The following TMPRSS9 variants were observed in gnomAD, a reference collection of about 807,000 sequenced individuals.
The protein encoded by TMPRSS9 is transmembrane serine protease 9, also known as transmembrane protease serine 9.
Under a neutral mutation model 111.4 loss-of-function variants are expected in TMPRSS9, and 113 were observed. That is an observed-to-expected ratio of 1.01 (90% CI 0.87 to 1.19). TMPRSS9 has a LOEUF of 1.19. TMPRSS9 is among the 50% of genes most tolerant of loss of function. The pLI, the probability that TMPRSS9 is intolerant of heterozygous loss-of-function variation, is 0.00. For missense variants in TMPRSS9, 1,803 were observed against 1,513.1 expected (o/e 1.19, Z -3.18); for synonymous variants, 805 against 659.1 (o/e 1.22, Z -3.39).
chr19:2,387,204 G>A (rs911641654), upstream of TMPRSS9, among the ~76,000 whole-genome samples: 2 of 151,788 alleles, frequency 1.3e-5, no homozygotes, highest in Non-Finnish European at 2.9e-5. Context: ...CAAAAAAATA[G>A]AAAAGTGAGG....
intron 1 of TMPRSS9, among the ~76,000 whole-genome samples, chr19:2,383,191 T>G (rs1254987264): frequency 6.7e-6 from 1 of 150,004 alleles, no homozygotes; most frequent in Admixed American, 6.7e-5. Flanking sequence ...CCGTCTCTAC[T>G]AAAAATACAA....
In TMPRSS9 at chr19:2,416,576, C is replaced by T. The variant is rs140247927; in HGVS notation, c.1784C>T (p.Ala595Val). ...CAGGTTCGGGCCCACCTGGGCACTG[C>T]GTCCCTCCTGGGCCTGGGCGGGAGC... Residue 595 changes from alanine (A) to valine (V), a missense_variant, in exon 12 of 18, where the codon GCG (alanine) becomes GTG (valine). Ala to Val is a moderately conservative substitution (Grantham distance 64, BLOSUM62 0). Coordinates refer to ENST00000648592, the Ensembl canonical transcript of TMPRSS9. The T allele has an allele frequency of 3.1e-5, 50 of 1,611,304 alleles. 2 individuals are homozygous for T. The highest frequency in any genetic ancestry group is 2.7e-4 in the South Asian group (25 of 91,060).
chr19:2,366,649 A>T (rs1970249669), intron 1 of TMPRSS9, among the ~76,000 whole-genome samples: 1 of 151,490 alleles, frequency 6.6e-6, no homozygotes, highest in Non-Finnish European at 1.5e-5. Flanking sequence ...CAAGGTCAGG[A>T]GATCAAGACC....
chr19:2,372,292 T>G (rs1203072654), intron 1 of TMPRSS9, among the ~76,000 whole-genome samples: 1 of 142,466 alleles, frequency 7.0e-6, no homozygotes, highest in Non-Finnish European at 1.5e-5. Flanking sequence ...AGCTACACAC[T>G]TTTCTTTTTG....
At chr19:2,380,771 G>C (rs1970379631) in intron 1 of TMPRSS9, among the ~76,000 whole-genome samples, 1 of 152,116 alleles carries the variant, frequency 6.6e-6, no homozygotes, top group Non-Finnish European at 1.5e-5. Flanking sequence ...GTTGTTTGAA[G>C]CTGCTAAGTT....
exon 11 of TMPRSS9, chr19:2,415,703 C>T (rs1333088739): frequency 6.2e-7 from 1 of 1,606,758 alleles, no homozygotes; most frequent in African/African-American, 1.3e-5. Context: ...GAGAAGCCCA[C>T]CCGGGTCGTG....
At chr19:2,417,818 G>A (rs1014174376) in intron 12 of TMPRSS9, among the ~76,000 whole-genome samples, 184 bp from the exon 14 acceptor site, 6 of 152,156 alleles carry the variant, frequency 3.9e-5, no homozygotes, top group Non-Finnish European at 8.8e-5. Flanking sequence ...CTTGCGCTCT[G>A]AGCGGGCCAT....
At chr19:2,424,218 C>G in exon 15 of TMPRSS9, 1 of 1,437,084 alleles carries the variant, frequency 7.0e-7, no homozygotes, top group Non-Finnish European at 9.2e-7. Flanking sequence ...GTGCTGGTGG[C>G]AGAGAGGTGG....
rs201333913 is a variant in TMPRSS9, at chr19:2,416,625, G to A, written c.1833G>A (p.Arg611=). 25 of 1,612,860 alleles carry A rather than the reference G, an allele frequency of 1.6e-5. No homozygotes were observed. In the East Asian group the frequency reaches 5.3e-4, roughly 35 times the overall value. Reference sequence around the variant, plus strand: ...GCCCGGTGAAGATCGGGCTGCGGCGGGTAGTGCTGCACCCCCTCTACAACC... The same window carrying A: ...GCCCGGTGAAGATCGGGCTGCGGCGAGTAGTGCTGCACCCCCTCTACAACC... Residue 611 remains arginine (R), a synonymous_variant, in exon 12 of 18, where the codon CGG becomes CGA. Coordinates refer to ENST00000648592, the Ensembl canonical transcript of TMPRSS9.
chr19:2,416,695 C>T (rs1248254847), exon 12 of TMPRSS9: 1 of 1,613,216 alleles, frequency 6.2e-7, no homozygotes, highest in East Asian at 2.2e-5. Context: ...GCTGGCCAGC[C>T]CCCTGGCCTT....
intron 8 of TMPRSS9, 79 bp downstream of exon 9, chr19:2,408,709 G>A: frequency 6.5e-7 from 1 of 1,528,470 alleles, no homozygotes. Context: ...AGGTGAGGTG[G>A]CTCACGCCTG....
At chr19:2,360,701 T>C (rs371451212) in intron 1 of TMPRSS9, among the ~76,000 whole-genome samples, 1 of 146,544 alleles carries the variant, frequency 6.8e-6, no homozygotes. Flanking sequence ...GCAGGTGTGG[T>C]GTGTAGATGC....
chr19:2,408,698 C>T, intron 8 of TMPRSS9, 68 bp downstream of exon 9: 2 of 1,553,682 alleles, frequency 1.3e-6, no homozygotes, highest in Admixed American at 3.5e-5. Flanking sequence ...AGAAAAGGGC[C>T]AGGTGAGGTG....
At chr19:2,368,733 G>A (rs990856665) in intron 1 of TMPRSS9, among the ~76,000 whole-genome samples, 2 of 150,642 alleles carry the variant, frequency 1.3e-5, no homozygotes, top group Admixed American at 6.6e-5. Context: ...TTTTTGGATG[G>A]ACTGGGTTTG....
chr19:2,384,748 G>C (rs1321641068), intron 1 of TMPRSS9, among the ~76,000 whole-genome samples: 2 of 150,194 alleles, frequency 1.3e-5, no homozygotes, highest in Non-Finnish European at 3.0e-5. Flanking sequence ...CTGGGAAATG[G>C]AGCTTGCAGT....
At position 2,399,004 on chromosome 19, in the gene TMPRSS9, C is replaced by T. The variant is rs563104764; in HGVS notation, c.339-14C>T. On this transcript the variant is annotated splice_polypyrimidine_tract_variant and intron_variant, in intron 3 of 17. Transcript: ENST00000648592. ...GCCCCTCCCTCTCCAAGGGCCTCTC[C>T]TCCATACCTGTAGGGATGGGAACTC... 3.7e-6 allele frequency: 6 copies of T among 1,607,358 alleles called. No individual in the cohort carries two copies. Among genetic ancestry groups the T allele is most frequent in the South Asian group, 1.1e-5 (1 of 90,624 alleles).
Position 2,401,910 on chromosome 19 carries a change from T to C in TMPRSS9, c.515-65T>C, listed in dbSNP as rs1285441300. 4 of 1,444,712 alleles carry C rather than the reference T, an allele frequency of 2.8e-6. No homozygotes were observed. The African/African-American group carries it at 4.4e-5, about 16-fold the overall frequency. 89.5% of individuals were successfully genotyped at this position (1,444,712 alleles called of 1,614,324 possible). A position where few individuals can be genotyped will look rare whatever the true frequency, so the allele number is the denominator to read the frequency against. On this transcript the variant is annotated intron_variant, in intron 4 of 17. Coordinates refer to ENST00000648592, the Ensembl canonical transcript of TMPRSS9. ...GGTGTGAGCCACCGCGCCCGGCCAATAGGATGTGTTCAAAGGGTTTTACCG... is the reference window on the plus strand; with the variant it reads ...GGTGTGAGCCACCGCGCCCGGCCAACAGGATGTGTTCAAAGGGTTTTACCG...
rs1331710142 is a variant in TMPRSS9 at position 2,377,265 on chromosome 19, GTATGTATGTATGTATGTATGTATGTATA to G, written c.-25-12472_-25-12445del. 8.3e-4 allele frequency among the ~76,000 whole-genome samples: 99 copies of G among 118,914 alleles called. 1 individual carries two copies. Among genetic ancestry groups the G allele is most frequent in the Non-Finnish European group, 1.1e-3 (70 of 61,174 alleles). The allele number at this position is 118,914 out of a possible 152,430, so 78.0% of individuals were successfully genotyped here. ...TTACTGTATGTATGTATGTATGTAT[GTATGTATGTATGTATGTATGTATGTATA>G]TATGTATGTATGTATGTATGTATTT... On this transcript the variant is annotated intron_variant, in intron 1 of 17. Transcript: ENST00000649857.
chr19:2,383,718 C>T (rs55826502), intron 1 of TMPRSS9, among the ~76,000 whole-genome samples: 9,385 of 143,798 alleles, frequency 0.065, 1,124 homozygotes, highest in African/African-American at 0.23. Context: ...GTGGGAGGAT[C>T]GCTTGAGCCC....
Sources: allele counts gnomAD v4.1 joint callset (sites outside exome capture counted in the v4.1 genomes callset), GRCh38; gene constraint gnomAD v4.1.1; transcripts MANE v1.5; gene names NCBI Gene and HGNC (gene_info 2026-07-23, HGNC 2026-07-21).